The following UBE2E3 variants were observed in gnomAD, a reference collection of about 807,000 sequenced individuals.
The protein encoded by UBE2E3 is ubiquitin conjugating enzyme E2 E3.
In UBE2E3, 5 loss-of-function variants were observed where a neutral mutation model predicts 23.6. The observed-to-expected ratio is 0.21, with a 90% CI of 0.11 to 0.44. The LOEUF (loss-of-function observed/expected upper bound fraction) is 0.44. Ranked by LOEUF, UBE2E3 falls within the 20% of genes least tolerant of loss-of-function variation. UBE2E3 has a pLI of 0.99. For missense variants in UBE2E3, 81 were observed against 249.8 expected, an observed-to-expected ratio of 0.32 and a Z score of 4.55; for synonymous variants, 78 against 87.5, an observed-to-expected ratio of 0.89 and a Z score of 0.60.
intron 3 of UBE2E3, among the ~76,000 whole-genome samples, chr2:181,010,983 C>T (rs1170648875): frequency 2.6e-5 from 4 of 152,032 alleles, no homozygotes; most frequent in Admixed American, 2.6e-4. Context: ...GCTTCAACTT[C>T]GCATCATACA....
chr2:181,008,747 T>C (rs1009001456), intron 3 of UBE2E3, among the ~76,000 whole-genome samples: 3 of 152,214 alleles, frequency 2.0e-5, no homozygotes, highest in Non-Finnish European at 2.9e-5. Flanking sequence ...CAGAGAGCAC[T>C]GGGTGTGCCT....
chr2:181,040,254 T>A (rs1686444692), intron 3 of UBE2E3, among the ~76,000 whole-genome samples: 1 of 152,262 alleles, frequency 6.6e-6, no homozygotes, highest in East Asian at 1.9e-4. Flanking sequence ...GCAATTTTGA[T>A]ACATCCTTCT....
intron 3 of UBE2E3, among the ~76,000 whole-genome samples, chr2:181,017,778 T>TA (rs1685542791): frequency 6.8e-6 from 1 of 147,194 alleles, no homozygotes; most frequent in Non-Finnish European, 1.5e-5. Flanking sequence ...GCTTTGGACT[T>TA]ACCTTGTCTT....
At chr2:181,043,483 G>A (rs1686575775) in intron 3 of UBE2E3, among the ~76,000 whole-genome samples, 1 of 152,068 alleles carries the variant, frequency 6.6e-6, no homozygotes, top group Admixed American at 6.6e-5. Context: ...AATGAGTTTT[G>A]TGTTTAGACT....
chr2:180,988,865 T>A (rs1047303281), intron 3 of UBE2E3, among the ~76,000 whole-genome samples: 2 of 152,122 alleles, frequency 1.3e-5, no homozygotes, highest in African/African-American at 4.8e-5. Flanking sequence ...GCTACAAGAT[T>A]GTATCTCATT....
At chr2:181,006,242 C>G (rs1440558419) in intron 3 of UBE2E3, among the ~76,000 whole-genome samples, 3 of 152,088 alleles carry the variant, frequency 2.0e-5, no homozygotes, top group Non-Finnish European at 4.4e-5. Context: ...AAAAAATTCC[C>G]CAGTCAAGAT....
intron 3 of UBE2E3, among the ~76,000 whole-genome samples, chr2:181,053,646 C>T (rs1331680024): frequency 6.6e-6 from 1 of 151,800 alleles, no homozygotes; most frequent in Non-Finnish European, 1.5e-5. Context: ...ATTATTGTCC[C>T]ACACTACAGT....
intron 4 of UBE2E3, among the ~76,000 whole-genome samples, 153 bp downstream of exon 4, chr2:181,057,978 C>G (rs1006602777): frequency 1.3e-5 from 2 of 151,708 alleles, no homozygotes; most frequent in Non-Finnish European, 2.9e-5. Flanking sequence ...AATTTTAAAA[C>G]AGTAATTGAC....
chr2:181,020,334 CTCT>C (rs1233878980), intron 3 of UBE2E3, among the ~76,000 whole-genome samples: 1 of 152,142 alleles, frequency 6.6e-6, no homozygotes, highest in African/African-American at 2.4e-5. Context: ...TGTCTCTCTT[CTCT>C]TCTTGTAAGG....
intron 3 of UBE2E3, among the ~76,000 whole-genome samples, chr2:180,985,310 A>G (rs1461743183): frequency 3.9e-5 from 6 of 152,156 alleles, no homozygotes; most frequent in African/African-American, 9.6e-5. Context: ...ACATGTGGCT[A>G]TTGGCCTCTT....
chr2:181,007,851 CTG>C (rs1032477819), intron 3 of UBE2E3, among the ~76,000 whole-genome samples: 3 of 152,174 alleles, frequency 2.0e-5, no homozygotes, highest in African/African-American at 7.2e-5. Flanking sequence ...GAATAAGAAA[CTG>C]AATTTATAAT....
intron 3 of UBE2E3, among the ~76,000 whole-genome samples, chr2:180,991,009 T>G (rs1312209287): frequency 5.3e-5 from 8 of 152,202 alleles, no homozygotes; most frequent in African/African-American, 9.6e-5. Context: ...GTAATGTTTC[T>G]CGACATTACT....
Position 180,988,517 on chromosome 2 carries a change from GA to G in UBE2E3, c.245+4425del, listed in dbSNP as rs1684551161. 2.0e-5 allele frequency among the ~76,000 whole-genome samples: 3 copies of G among 152,132 alleles called. No individual in the cohort carries two copies. The South Asian group carries it at 6.2e-4, about 32-fold the overall frequency. Reference sequence around the variant, plus strand: ...AAAGTATAATAAACAATTTTTAGATGAGTAATGATTATATTTTCCCCTTTTA... The same window carrying G: ...AAAGTATAATAAACAATTTTTAGATGGTAATGATTATATTTTCCCCTTTTA... On this transcript the variant is annotated intron_variant, in intron 3 of 5. Coordinates refer to ENST00000410062, the MANE Select transcript of UBE2E3 (RefSeq NM_006357.4).
intron 3 of UBE2E3, among the ~76,000 whole-genome samples, chr2:180,985,504 T>A (rs1397853792): frequency 1.1e-4 from 17 of 152,200 alleles, no homozygotes; most frequent in Admixed American, 1.1e-3. Context: ...TTTCACTTTT[T>A]TACTATGTTA....
In UBE2E3 at chr2:180,992,661, A is replaced by G. The variant is rs186365458; in HGVS notation, c.245+8568A>G. Among the ~76,000 whole-genome samples, 128 of 152,008 alleles carry G rather than the reference A, an allele frequency of 8.4e-4. 1 individual carries two copies. The highest frequency in any genetic ancestry group is 3.1e-3 in the African/African-American group (127 of 41,454). Reference sequence around the variant, plus strand: ...CAGGCGCACCCCACCATGCCTGACTAACTTTTTTTTTCTTTTTGGAGACAG... The same window carrying G: ...CAGGCGCACCCCACCATGCCTGACTGACTTTTTTTTTCTTTTTGGAGACAG... On this transcript the variant is annotated intron_variant, in intron 3 of 5. Transcript: ENST00000410062.
intron 3 of UBE2E3, among the ~76,000 whole-genome samples, chr2:181,004,506 A>C (rs907383420): frequency 6.6e-6 from 1 of 151,976 alleles, no homozygotes; most frequent in Non-Finnish European, 1.5e-5. Context: ...GGTGGTATGC[A>C]CCTGTAGTCT....
rs74861348 is a variant in UBE2E3, at chr2:181,042,840, G to T, written c.246-14853G>T. ...AGCTTCACTATAACCCCAAAGGCAG[G>T]TGCCATCACATACAGATGGAGAAAA... On this transcript the variant is annotated intron_variant, in intron 3 of 5. Transcript: ENST00000410062. 5.3e-5 allele frequency among the ~76,000 whole-genome samples: 8 copies of T among 152,288 alleles called. No homozygotes were observed. In the East Asian group the frequency reaches 1.2e-3, roughly 22 times the overall value.
chr2:181,028,434 T>A (rs1685967620), intron 3 of UBE2E3, among the ~76,000 whole-genome samples: 1 of 152,076 alleles, frequency 6.6e-6, no homozygotes, highest in Non-Finnish European at 1.5e-5. Context: ...AAGAGTGGAA[T>A]AGGTGAGTCT....
chr2:180,989,023 C>T (rs981289218), intron 3 of UBE2E3, among the ~76,000 whole-genome samples: 1 of 151,934 alleles, frequency 6.6e-6, no homozygotes, highest in Non-Finnish European at 1.5e-5. Flanking sequence ...CCCATTATGC[C>T]GTGGGTGGTC....
Sources: gnomAD v4.1 joint callset for allele counts (sites outside exome capture counted in the v4.1 genomes callset) on GRCh38, gnomAD v4.1.1 for gene constraint, MANE v1.5 for transcripts, NCBI Gene and HGNC (gene_info 2026-07-23, HGNC 2026-07-21) for gene names.